Variants in NPSR1 observed in about 807,000 individuals in gnomAD.
NPSR1 encodes neuropeptide S receptor.
In NPSR1, 48 loss-of-function variants were observed where a neutral mutation model predicts 46.9. That is an observed-to-expected ratio of 1.02 (90% CI 0.81 to 1.30). NPSR1 has a LOEUF of 1.30. NPSR1 is among the 50% of genes most tolerant of loss of function. The pLI, the probability that NPSR1 is intolerant of heterozygous loss-of-function variation, is 0.00. For missense variants in NPSR1, 450 were observed against 449.5 expected, an observed-to-expected ratio of 1.00 and a Z score of -0.01; for synonymous variants, 176 against 168.1, an observed-to-expected ratio of 1.05 and a Z score of -0.36.
At chr7:34,675,007 T>C (rs375713009) in intron 1 of NPSR1, among the ~76,000 whole-genome samples, 1 of 152,284 alleles carries the variant, frequency 6.6e-6, no homozygotes, top group East Asian at 1.9e-4. Context: ...ACTACTAGAG[T>C]AAGCAGGGCA....
At position 34,733,429 on chromosome 7, in the gene NPSR1, A is replaced by AG. The variant is rs1554317052; in HGVS notation, c.281-45033_281-45032insG. 7.8e-3 allele frequency among the ~76,000 whole-genome samples: 1,184 copies of AG among 151,812 alleles called. 15 individuals carry two copies. Among genetic ancestry groups the AG allele is most frequent in the African/African-American group, 0.027 (1,135 of 41,296 alleles). Reference sequence around the variant, plus strand: ...GCAAGATTTTGTCTTAAAAAAAAAAAAAAAAGAAAAAGAAAAAGAAAAAAT... The same window carrying AG: ...GCAAGATTTTGTCTTAAAAAAAAAAAGAAAAAGAAAAAGAAAAAGAAAAAAT... On this transcript the variant is annotated intron_variant, in intron 2 of 8. Coordinates refer to ENST00000360581, the MANE Select transcript of NPSR1 (RefSeq NM_207172.2).
intron 3 of NPSR1, among the ~76,000 whole-genome samples, chr7:34,790,769 A>AAT (rs1554330711): frequency 6.7e-5 from 8 of 118,962 alleles, no homozygotes; most frequent in Admixed American, 1.6e-4. Context: ...TGTTATATAT[A>AAT]ATATATGTTA....
At chr7:34,787,277 C>T (rs1787507153) in intron 3 of NPSR1, among the ~76,000 whole-genome samples, 1 of 152,104 alleles carries the variant, frequency 6.6e-6, no homozygotes, top group Admixed American at 6.6e-5. Context: ...ACAAACTATG[C>T]TAGCTTCAAA....
chr7:34,747,450 G>A (rs1785265170), intron 2 of NPSR1, among the ~76,000 whole-genome samples: 1 of 152,208 alleles, frequency 6.6e-6, no homozygotes, highest in Non-Finnish European at 1.5e-5. Flanking sequence ...TGTGCAACAA[G>A]AGCCATGCCT....
At chr7:34,855,925 A>T (rs1466359875) in intron 8 of NPSR1, among the ~76,000 whole-genome samples, 2 of 152,170 alleles carry the variant, frequency 1.3e-5, no homozygotes, top group Non-Finnish European at 2.9e-5. Flanking sequence ...AACTCAACAG[A>T]TGCAGAAAAA....
At chr7:34,768,604 A>G (rs1290018568) in intron 2 of NPSR1, among the ~76,000 whole-genome samples, 2 of 152,210 alleles carry the variant, frequency 1.3e-5, no homozygotes, top group African/African-American at 2.4e-5. Flanking sequence ...TTTATGAGGA[A>G]TTTGAATGTC....
intron 5 of NPSR1, among the ~76,000 whole-genome samples, chr7:34,830,140 G>A (rs1316916464): frequency 6.6e-6 from 1 of 152,222 alleles, no homozygotes; most frequent in Admixed American, 6.5e-5. Flanking sequence ...ACCTGGCATA[G>A]GTGCTACAAT....
chr7:34,798,660 A>C (rs1231993345), intron 3 of NPSR1, among the ~76,000 whole-genome samples: 1 of 152,218 alleles, frequency 6.6e-6, no homozygotes, highest in East Asian at 1.9e-4. Context: ...TCATCCAGTA[A>C]TAGCAGAATA....
At chr7:34,719,923 T>C (rs1384732878) in intron 2 of NPSR1, 1 of 151,296 alleles carries the variant, frequency 6.6e-6, no homozygotes. Flanking sequence ...GGAGCTGCAT[T>C]AGGAAACACC....
chr7:34,751,897 C>A, intron 2 of NPSR1: 1 of 1,501,968 alleles, frequency 6.7e-7, no homozygotes, highest in Non-Finnish European at 9.2e-7. Flanking sequence ...CCTTTCGGGA[C>A]CGTCTCCCGC....
chr7:34,829,331 C>T (rs1239386961), intron 5 of NPSR1, among the ~76,000 whole-genome samples: 1 of 152,278 alleles, frequency 6.6e-6, no homozygotes, highest in East Asian at 1.9e-4. Flanking sequence ...AACACCAACA[C>T]TTTATTTTGA....
intron 2 of NPSR1, among the ~76,000 whole-genome samples, chr7:34,756,649 C>T (rs1785876235): frequency 6.6e-6 from 1 of 152,156 alleles, no homozygotes; most frequent in African/African-American, 2.4e-5. Flanking sequence ...TGTGCCTGGG[C>T]ATATATTTCT....
chr7:34,845,075 G>T (rs963860939), intron 7 of NPSR1, 93 bp downstream of exon 7: 12 of 829,692 alleles, frequency 1.4e-5, no homozygotes, highest in Non-Finnish European at 2.4e-5. Flanking sequence ...GAATTTGCCA[G>T]CAGGCACTTC....
intron 2 of NPSR1, among the ~76,000 whole-genome samples, chr7:34,745,658 A>G (rs1413139344): frequency 6.6e-6 from 1 of 152,102 alleles, no homozygotes; most frequent in Admixed American, 6.6e-5. Flanking sequence ...AGCTGGAACT[A>G]TAGGTGTGCA....
chr7:34,792,538 TAC>T (rs539175545), intron 3 of NPSR1, among the ~76,000 whole-genome samples: 5 of 136,566 alleles, frequency 3.7e-5, no homozygotes, highest in East Asian at 2.1e-4. Context: ...TGTACATATA[TAC>T]ACACACACAT....
In NPSR1 at chr7:34,705,627, T is replaced by C. The variant is rs1006375268; in HGVS notation, c.280+20943T>C. Among the ~76,000 whole-genome samples the C allele has an allele frequency of 6.6e-5, 10 of 151,410 alleles. No individual in the cohort carries two copies. In the South Asian group the frequency reaches 1.3e-3, roughly 19 times the overall value. ...TCTCTCTCTCTCTCTCTCTCTCTCATACACACACATAAGTCTTTTCATTTA... is the reference window on the plus strand; with the variant it reads ...TCTCTCTCTCTCTCTCTCTCTCTCACACACACACATAAGTCTTTTCATTTA... On this transcript the variant is annotated intron_variant, in intron 2 of 8. Coordinates refer to ENST00000360581, the MANE Select transcript of NPSR1 (RefSeq NM_207172.2).
At chr7:34,674,443 C>A (rs191796781) in intron 1 of NPSR1, among the ~76,000 whole-genome samples, 1 of 152,148 alleles carries the variant, frequency 6.6e-6, no homozygotes. Context: ...TGCCAACTCA[C>A]CTAAGCAAAT....
In NPSR1 at chr7:34,807,919, C is replaced by T. The variant is rs190183381; in HGVS notation, c.385-3851C>T. 1.0e-4 allele frequency among the ~76,000 whole-genome samples: 15 copies of T among 150,424 alleles called. No homozygotes were observed. The East Asian group carries it at 1.8e-3, about 18-fold the overall frequency. On this transcript the variant is annotated intron_variant, in intron 3 of 8. Transcript: ENST00000360581. The stretch of plus-strand genomic sequence containing the variant: ...CCACCACCACCACCACCACAAAATC[C>T]GTATCCTAATCCCTGGAACCTGTGA...
Position 34,811,962 on chromosome 7 carries a change from C to T in NPSR1, c.478+99C>T, listed in dbSNP as rs1230821937. On this transcript the variant is annotated intron_variant, in intron 4 of 8. Transcript: ENST00000360581. Reference sequence around the variant, plus strand: ...TTTTACTCTTAATAATAGTGATCTTCCTCCTCTTTCCTTCTCTTTCTTCTC... The same window carrying T: ...TTTTACTCTTAATAATAGTGATCTTTCTCCTCTTTCCTTCTCTTTCTTCTC... 4 of 724,186 alleles carry T rather than the reference C, an allele frequency of 5.5e-6. No individual in the cohort carries two copies. In the African/African-American group the frequency reaches 7.3e-5, roughly 13 times the overall value. The allele number at this position is 724,186 out of a possible 1,614,324, so 44.9% of individuals were successfully genotyped here.
Sources: allele counts gnomAD v4.1 joint callset (sites outside exome capture counted in the v4.1 genomes callset), GRCh38; gene constraint gnomAD v4.1.1; transcripts MANE v1.5; gene names NCBI Gene and HGNC (gene_info 2026-07-23, HGNC 2026-07-21).